NSUN2: variants seen among roughly 807,000 people sequenced by gnomAD.
NSUN2 encodes the protein RNA cytosine C(5)-methyltransferase NSUN2.
Under a neutral mutation model 92.7 loss-of-function variants are expected in NSUN2, and 63 were observed. The ratio of observed to expected loss-of-function variants is 0.68; its 90% CI spans 0.56 to 0.84. The LOEUF (loss-of-function observed/expected upper bound fraction) is 0.84, where lower values mean the gene tolerates loss of function less well. Ranked by LOEUF, NSUN2 falls within the 40% of genes least tolerant of loss-of-function variation. The pLI is 0.00. For synonymous variants in NSUN2, 356 were observed against 348.3 expected, an observed-to-expected ratio of 1.02 and a Z score of -0.25; for missense variants, 989 against 964.9, an observed-to-expected ratio of 1.02 and a Z score of -0.33.
intron 14 of NSUN2, among the ~76,000 whole-genome samples, chr5:6,606,197 A>G (rs951372705): frequency 1.3e-5 from 2 of 152,232 alleles, no homozygotes; most frequent in Non-Finnish European, 2.9e-5. Flanking sequence ...AAACTGAACT[A>G]GACAACCTTG....
In NSUN2 at chr5:6,632,642, T is replaced by C. The variant is rs1045670957; in HGVS notation, c.211A>G (p.Arg71Gly). The C allele has an allele frequency of 4.3e-6, 7 of 1,614,208 alleles. No individual in the cohort carries two copies. The highest frequency in any genetic ancestry group is 5.1e-6 in the Non-Finnish European group (6 of 1,180,046). The stretch of plus-strand genomic sequence containing the variant: ...CTTAAAGTGGCCGGGAGCGGCTCCC[T>C]GAGAGCGTCCATGAACTGGCCCCAC... ...GEWGQFMDAL[R>G]EPLPATLRIT... Residue 71 changes from arginine to glycine, a missense_variant, in exon 2 of 19, where the codon AGG becomes GGG. By Grantham distance (125) the Arg-to-Gly change is moderately radical (BLOSUM62 -2). Coordinates refer to ENST00000264670, the MANE Select transcript of NSUN2 (RefSeq NM_017755.6).
chr5:6,631,330 C>T (rs1737883278), intron 3 of NSUN2, among the ~76,000 whole-genome samples: 1 of 152,162 alleles, frequency 6.6e-6, no homozygotes, highest in Non-Finnish European at 1.5e-5. Flanking sequence ...ACCCAGAAGG[C>T]ACCTCCAGGA....
intron 11 of NSUN2, among the ~76,000 whole-genome samples, chr5:6,610,683 CAAA>C (rs10718851): frequency 8.6e-5 from 11 of 127,392 alleles, no homozygotes; most frequent in Non-Finnish European, 9.9e-5. Flanking sequence ...GACTCTCTCT[CAAA>C]AAAAAAAAAA....
At chr5:6,607,850 AAG>A (rs1164631295) in intron 12 of NSUN2, among the ~76,000 whole-genome samples, 3 of 152,236 alleles carry the variant, frequency 2.0e-5, no homozygotes, top group Non-Finnish European at 2.9e-5. Flanking sequence ...AACTGGGAGA[AAG>A]AGAGAGTGCC....
At chr5:6,630,431 T>C (rs554793946) in intron 3 of NSUN2, among the ~76,000 whole-genome samples, 1 of 152,268 alleles carries the variant, frequency 6.6e-6, no homozygotes, top group South Asian at 2.1e-4. Flanking sequence ...TCAGCCTCCC[T>C]AGTGTCTGGG....
At chr5:6,621,120 C>CTT (rs1219564736) in intron 6 of NSUN2, 1 of 152,184 alleles carries the variant, frequency 6.6e-6, no homozygotes, top group Non-Finnish European at 1.5e-5. Context: ...AAAGCTGACT[C>CTT]TAAAACATCA....
intron 9 of NSUN2, 30 bp downstream of exon 9, chr5:6,616,697 G>T: frequency 7.8e-7 from 1 of 1,274,746 alleles, no homozygotes. Flanking sequence ...CCCCTATGCT[G>T]TTAATAAAAG....
At position 6,617,963 on chromosome 5, in the gene NSUN2, A is replaced by G; in HGVS notation, c.877T>C (p.Leu293=). 6.2e-7 allele frequency: 1 copy of G among 1,613,320 alleles called. No homozygotes were observed. The highest frequency in any genetic ancestry group is 1.1e-5 in the South Asian group (1 of 91,032). Residue 293 remains leucine, a synonymous_variant, in exon 8 of 19, where the codon TTG becomes CTG. Coordinates refer to ENST00000264670, the MANE Select transcript of NSUN2 (RefSeq NM_017755.6). ...AGTTTTACTTACCCATGTAGCTGCAAGCTATTTAAGGTGGTCCACTTTTTC... is the reference window on the plus strand; with the variant it reads ...AGTTTTACTTACCCATGTAGCTGCAGGCTATTTAAGGTGGTCCACTTTTTC... The part of the protein sequence containing the change: ...VWKKWTTLNS[L]QLHGLQLRIA...
chr5:6,624,303 T>C (rs1737568296), intron 4 of NSUN2, among the ~76,000 whole-genome samples: 1 of 152,238 alleles, frequency 6.6e-6, no homozygotes, highest in African/African-American at 2.4e-5. Flanking sequence ...ACCAGATTCA[T>C]GACCACCCTG....
At position 6,617,973 on chromosome 5, in the gene NSUN2, G is replaced by A; in HGVS notation, c.867C>T (p.Thr289=). Residue 289 remains threonine, a synonymous_variant, in exon 8 of 19, where the codon ACC becomes ACT. Transcript: ENST00000264670. ...ACCCATGTAGCTGCAAGCTATTTAAGGTGGTCCACTTTTTCCAAACATCAA... is the reference window on the plus strand; with the variant it reads ...ACCCATGTAGCTGCAAGCTATTTAAAGTGGTCCACTTTTTCCAAACATCAA... The part of the protein sequence containing the change: ...KNIDVWKKWT[T]LNSLQLHGLQ... The A allele has an allele frequency of 6.2e-7, 1 of 1,613,724 alleles. No individual in the cohort carries two copies. Among genetic ancestry groups the A allele is most frequent in the Admixed American group, 1.7e-5 (1 of 60,006 alleles).
Position 6,631,972 on chromosome 5 carries a change from G to A in NSUN2, c.260C>T (p.Ala87Val). Residue 87 changes from alanine to valine, a missense_variant, in exon 3 of 19, where the codon GCA becomes GTA. By Grantham distance (64) the Ala-to-Val change is moderately conservative (BLOSUM62 0). Coordinates refer to ENST00000264670, the MANE Select transcript of NSUN2 (RefSeq NM_017755.6). ...CTTTAAGCAATGGAGAATCTCTTTT[G>A]CGTGGCTATTGAAAAATAAGGAAGT... The part of the protein sequence containing the change: ...TLRITGYKSH[A>V]KEILHCLKNK... 2 of 1,609,772 alleles carry A rather than the reference G, an allele frequency of 1.2e-6. No individual in the cohort carries two copies. Among genetic ancestry groups the A allele is most frequent in the Non-Finnish European group, 8.5e-7 (1 of 1,177,330 alleles).
At chr5:6,606,587 GT>G (rs1160217919) in intron 14 of NSUN2, among the ~76,000 whole-genome samples, 8 of 150,814 alleles carry the variant, frequency 5.3e-5, no homozygotes, top group Non-Finnish European at 7.4e-5. Context: ...GCCCGGTCCA[GT>G]TTTTTTTTAT....
chr5:6,602,532 T>C (rs1736600485), intron 17 of NSUN2, 32 bp from the exon 18 acceptor site: 1 of 1,612,740 alleles, frequency 6.2e-7, no homozygotes, highest in Admixed American at 1.7e-5. Flanking sequence ...ATTTGCCAGG[T>C]TTTCCAGGTA....
At position 6,616,775 on chromosome 5, in the gene NSUN2, G is replaced by A. The variant is rs1460980954; in HGVS notation, c.973C>T (p.Pro325Ser). ...GCTATGACTGCTTCATCCTCAATAG[G>A]GTTTAGTGAACACGTGGAATACACC... The part of the protein sequence containing the change: ...RMVYSTCSLN[P>S]IEDEAVIASL... The change falls in exon 9 of 19, where the codon CCT becomes TCT. Residue 325 changes from proline to serine, a missense_variant. Pro to Ser is a moderately conservative substitution (Grantham distance 74). This residue lies in a region of NSUN2 where 626 missense variants were observed against 602.3 expected (regional missense o/e 1.04). Coordinates refer to ENST00000264670, the MANE Select transcript of NSUN2 (RefSeq NM_017755.6). 6.4e-7 allele frequency: 1 copy of A among 1,555,104 alleles called. No individual in the cohort carries two copies. The highest frequency in any genetic ancestry group is 1.8e-5 in the Admixed American group (1 of 54,496).
chr5:6,604,329 G>A lies in NSUN2; in HGVS notation c.1819-53C>T, dbSNP rs28635833. Reference sequence around the variant, plus strand: ...AGATACCATGATGTCATTCATGAACGACAACAGCCTGCTCTCAGGGGCTAT... The same window carrying A: ...AGATACCATGATGTCATTCATGAACAACAACAGCCTGCTCTCAGGGGCTAT... On this transcript the variant is annotated intron_variant, in intron 16 of 18. Coordinates refer to ENST00000264670, the MANE Select transcript of NSUN2 (RefSeq NM_017755.6). The A allele has an allele frequency of 3.6e-3, 5,240 of 1,472,272 alleles. 180 individuals are homozygous for A. The African/African-American group carries it at 0.061, about 17-fold the overall frequency. 91.2% of individuals were successfully genotyped at this position (1,472,272 alleles called of 1,614,324 possible).
Position 6,631,954 on chromosome 5 carries a change from C to G in NSUN2, c.278G>C (p.Cys93Ser), listed in dbSNP as rs1560987822. ...YKSHAKEILH[C>S]LKNKYFKELE... ...TTCCTTAAAATATTTGTTCTTTAAG[C>G]AATGGAGAATCTCTTTTGCGTGGCT... The change falls in exon 3 of 19, where the codon TGC becomes TCC. Residue 93 changes from cysteine to serine, a missense_variant. By Grantham distance (112) the Cys-to-Ser change is moderately radical. This residue lies in a region of NSUN2 where 356 missense variants were observed against 338.6 expected (regional missense o/e 1.05). Coordinates refer to ENST00000264670, the MANE Select transcript of NSUN2 (RefSeq NM_017755.6). 1 of 1,613,484 alleles carries G rather than the reference C, an allele frequency of 6.2e-7. No homozygotes were observed. Among genetic ancestry groups the G allele is most frequent in the Admixed American group, 1.7e-5 (1 of 59,944 alleles).
intron 12 of NSUN2, among the ~76,000 whole-genome samples, chr5:6,608,048 T>A (rs2126477413): frequency 6.6e-6 from 1 of 152,322 alleles, no homozygotes; most frequent in East Asian, 1.9e-4. Context: ...CCCTATGAAG[T>A]AAGTTTAAAA....
chr5:6,625,534 A>T, intron 4 of NSUN2, 30 bp downstream of exon 4: 2 of 1,529,942 alleles, frequency 1.3e-6, no homozygotes, highest in Non-Finnish European at 1.8e-6. Context: ...AGCTTTAAGG[A>T]AACTAGCAAG....
Position 6,604,424 on chromosome 5 carries a change from C to G in NSUN2, c.1819-148G>C, listed in dbSNP as rs576043947. 8 of 923,438 alleles carry G rather than the reference C, an allele frequency of 8.7e-6. No individual in the cohort carries two copies. In the East Asian group the frequency reaches 1.3e-4, roughly 15 times the overall value. 57.2% of individuals were successfully genotyped at this position (923,438 alleles called of 1,614,324 possible). On this transcript the variant is annotated intron_variant, in intron 16 of 18. Coordinates refer to ENST00000264670, the MANE Select transcript of NSUN2 (RefSeq NM_017755.6). ...CCTTGGACAGGTGTGGAACCCACCC[C>G]CCCCTAGGAGGGGAAACCAGCACTC...
Sources: allele counts gnomAD v4.1 joint callset (sites outside exome capture counted in the v4.1 genomes callset), GRCh38; gene constraint gnomAD v4.1.1; regional missense constraint gnomAD v4.1.1; transcripts MANE v1.5; gene names NCBI Gene and HGNC (gene_info 2026-07-23, HGNC 2026-07-21).